IGSF21: variants seen among roughly 807,000 people sequenced by gnomAD.
The protein encoded by IGSF21 is immunoglobin superfamily member 21, also known as immunoglobulin superfamily member 21.
A neutral mutation model predicts 46.8 loss-of-function variants in IGSF21; 28 were observed. That is an observed-to-expected ratio of 0.60 (90% CI 0.44 to 0.82). The LOEUF (loss-of-function observed/expected upper bound fraction) is 0.82, where lower values mean the gene tolerates loss of function less well. Among genes scored for constraint, IGSF21 ranks in the 40% least tolerant of loss-of-function variants. IGSF21 has a pLI of 0.00. For missense variants in IGSF21, 624 were observed against 665.5 expected (o/e 0.94, Z 0.69); for synonymous variants, 284 against 273.6 (o/e 1.04, Z -0.38).
chr1:18,377,074 A>T, intron 8 of IGSF21, 82 bp downstream of exon 8: 1 of 1,441,196 alleles, frequency 6.9e-7, no homozygotes, highest in Non-Finnish European at 9.3e-7. Flanking sequence ...AGGAAGAAGC[A>T]GTAGGGGCCC....
In IGSF21 at chr1:18,343,237, G is replaced by A. The variant is rs536132912; in HGVS notation, c.424+8227G>A. Among the ~76,000 whole-genome samples the A allele has an allele frequency of 1.1e-4, 16 of 152,246 alleles. No homozygotes were observed. The East Asian group carries it at 3.1e-3, about 29-fold the overall frequency. Reference sequence around the variant, plus strand: ...CTTTCCTGTGCTTCTTGGCCATTTGGACATCTTCTTTGGAGAAACATCTAC... The same window carrying A: ...CTTTCCTGTGCTTCTTGGCCATTTGAACATCTTCTTTGGAGAAACATCTAC... On this transcript the variant is annotated intron_variant, in intron 4 of 9. Coordinates refer to ENST00000251296, the MANE Select transcript of IGSF21 (RefSeq NM_032880.5).
intron 1 of IGSF21, among the ~76,000 whole-genome samples, chr1:18,162,625 GGT>G (rs2086638124): frequency 6.6e-6 from 1 of 152,168 alleles, no homozygotes; most frequent in African/African-American, 2.4e-5. Flanking sequence ...ATGCTCTGTA[GGT>G]TAGGTGTACT....
At chr1:18,197,180 T>G (rs1335833774) in intron 1 of IGSF21, among the ~76,000 whole-genome samples, 1 of 152,166 alleles carries the variant, frequency 6.6e-6, no homozygotes, top group Non-Finnish European at 1.5e-5. Context: ...GTGTTTGGAT[T>G]GCTAAAGCCA....
chr1:18,314,259 G>A (rs1305165914), intron 3 of IGSF21, among the ~76,000 whole-genome samples: 1 of 150,694 alleles, frequency 6.6e-6, no homozygotes, highest in African/African-American at 2.4e-5. Context: ...TCCTGCATCT[G>A]CCTTCCTCAT....
intron 1 of IGSF21, among the ~76,000 whole-genome samples, chr1:18,168,737 C>T (rs762989814): frequency 2.0e-4 from 31 of 152,298 alleles, no homozygotes; most frequent in African/African-American, 6.7e-4. Flanking sequence ...ATGAAATGCT[C>T]GATTGTACAC....
chr1:18,331,851 G>A lies in IGSF21; in HGVS notation c.306-3041G>A, dbSNP rs1163253432. On this transcript the variant is annotated intron_variant, in intron 3 of 9. Transcript: ENST00000251296. The stretch of plus-strand genomic sequence containing the variant: ...AACACCCAGGACTTGGTCGCTGTCT[G>A]TATTTGGAGGGTGTGGAAGTGGGAG... Among the ~76,000 whole-genome samples the A allele has an allele frequency of 3.3e-5, 5 of 152,186 alleles. No homozygotes were observed. The East Asian group carries it at 5.8e-4, about 18-fold the overall frequency.
intron 2 of IGSF21, among the ~76,000 whole-genome samples, chr1:18,291,584 A>T (rs1201103161): frequency 6.6e-6 from 1 of 152,182 alleles, no homozygotes; most frequent in Non-Finnish European, 1.5e-5. Flanking sequence ...TGAAGGCAGC[A>T]AGCTTCCCCT....
At chr1:18,372,653 G>GATGGATGGATGGATGGATGGATGT (rs1557666116) in intron 6 of IGSF21, among the ~76,000 whole-genome samples, 87 of 150,816 alleles carry the variant, frequency 5.8e-4, no homozygotes, top group African/African-American at 2.1e-3. Context: ...TGGATGGATG[G>GATGGATGGATGGATGGATGGATGT]ATGTTTGGAT....
chr1:18,176,494 A>G (rs2086798882), intron 1 of IGSF21, among the ~76,000 whole-genome samples: 1 of 152,218 alleles, frequency 6.6e-6, no homozygotes, highest in East Asian at 1.9e-4. Context: ...AGTCAAGCCC[A>G]GAACTGTTGT....
At chr1:18,323,327 A>G (rs1436149137) in intron 3 of IGSF21, among the ~76,000 whole-genome samples, 1 of 152,204 alleles carries the variant, frequency 6.6e-6, no homozygotes, top group Non-Finnish European at 1.5e-5. Flanking sequence ...CTTGAGGTGC[A>G]GAAGCTGAAG....
chr1:18,188,428 C>T (rs1354931881), intron 1 of IGSF21, among the ~76,000 whole-genome samples: 11 of 152,126 alleles, frequency 7.2e-5, no homozygotes, highest in East Asian at 1.9e-4. Flanking sequence ...ATTAGATCAC[C>T]GCAGGGAAGG....
chr1:18,247,309 G>A (rs1185763482), intron 2 of IGSF21, among the ~76,000 whole-genome samples: 1 of 152,102 alleles, frequency 6.6e-6, no homozygotes, highest in Non-Finnish European at 1.5e-5. Flanking sequence ...GACTGTGCTG[G>A]GGATTGAAGG....
intron 1 of IGSF21, among the ~76,000 whole-genome samples, chr1:18,172,272 A>T (rs2086744554): frequency 6.6e-6 from 1 of 152,212 alleles, no homozygotes; most frequent in Non-Finnish European, 1.5e-5. Flanking sequence ...TACTCTATTA[A>T]TTAAAGTTTG....
chr1:18,318,350 T>G (rs1266201859), intron 3 of IGSF21, among the ~76,000 whole-genome samples: 1 of 152,212 alleles, frequency 6.6e-6, no homozygotes, highest in Non-Finnish European at 1.5e-5. Flanking sequence ...GGACAGATAC[T>G]GAGGGCTTTG....
At chr1:18,370,132 A>G (rs1157869699) in intron 6 of IGSF21, among the ~76,000 whole-genome samples, 1 of 152,186 alleles carries the variant, frequency 6.6e-6, no homozygotes, top group Non-Finnish European at 1.5e-5. Context: ...AGCCTGGGTT[A>G]TTAGAGTAGC....
At chr1:18,343,211 C>G (rs2085860306) in intron 4 of IGSF21, among the ~76,000 whole-genome samples, 1 of 152,228 alleles carries the variant, frequency 6.6e-6, no homozygotes, top group African/African-American at 2.4e-5. Context: ...CACTGTACGT[C>G]CTTTCCTGTG....
chr1:18,273,334 CCTTT>C (rs1169444693), intron 2 of IGSF21, among the ~76,000 whole-genome samples: 3,637 of 75,268 alleles, frequency 0.048, 180 homozygotes, highest in African/African-American at 0.091. Flanking sequence ...AGCCACCATT[CCTTT>C]CCTTTCCTTT....
chr1:18,133,267 G>A (rs1291998118), intron 1 of IGSF21, among the ~76,000 whole-genome samples: 1 of 152,178 alleles, frequency 6.6e-6, no homozygotes, highest in Non-Finnish European at 1.5e-5. Context: ...GTGAGCCAGG[G>A]CTCCGGTTCC....
chr1:18,198,682 A>AAG (rs140460868), intron 1 of IGSF21, among the ~76,000 whole-genome samples: 16 of 149,900 alleles, frequency 1.1e-4, no homozygotes, highest in African/African-American at 2.7e-4. Context: ...GTATGGGATC[A>AAG]AGAGAGAGAG....
Sources: gnomAD v4.1 joint callset for allele counts (sites outside exome capture counted in the v4.1 genomes callset) on GRCh38, gnomAD v4.1.1 for gene constraint, MANE v1.5 for transcripts, NCBI Gene and HGNC (gene_info 2026-07-23, HGNC 2026-07-21) for gene names.